The following STARD13 variants were observed in gnomAD, a reference collection of about 807,000 sequenced individuals.
STARD13 encodes the protein stAR-related lipid transfer protein 13.
STARD13 carries 62 observed loss-of-function variants against 106.4 expected under a neutral mutation model. The observed-to-expected ratio is 0.58, with a 90% CI of 0.48 to 0.72. The LOEUF (loss-of-function observed/expected upper bound fraction) is 0.72. STARD13 is among the 30% of genes least tolerant of loss of function. The probability of loss-of-function intolerance (pLI) is 0.00; values close to 1 mark genes in which losing one functional copy is unlikely to be tolerated. For synonymous variants in STARD13, 565 were observed against 553.0 expected (o/e 1.02, Z -0.31); for missense variants, 1,387 against 1,424.0 (o/e 0.97, Z 0.42).
At chr13:33,554,078 C>A in the STARD13 span, among the ~76,000 whole-genome samples, 1 of 152,082 alleles carries the variant, frequency 6.6e-6, no homozygotes, top group Non-Finnish European at 1.5e-5. Flanking sequence ...ATCTTCTCTT[C>A]ACCATTGGGT....
At chr13:33,137,160 T>G (rs1315709835) in intron 4 of STARD13, among the ~76,000 whole-genome samples, 1 of 152,262 alleles carries the variant, frequency 6.6e-6, no homozygotes, top group African/African-American at 2.4e-5. Context: ...AATAATTCAT[T>G]TGTATTGAAT....
the STARD13 span, among the ~76,000 whole-genome samples, chr13:33,650,094 GACAA>G: frequency 4.9e-5 from 7 of 143,516 alleles, no homozygotes; most frequent in South Asian, 2.3e-4. Flanking sequence ...GATGAAGAGT[GACAA>G]ACAGTCACTT....
At chr13:33,252,994 G>GT (rs199890309) in intron 1 of STARD13, among the ~76,000 whole-genome samples, 2,237 of 152,154 alleles carry the variant, frequency 0.015, 47 homozygotes, top group African/African-American at 0.049. Flanking sequence ...GTCATTTTCC[G>GT]TTTTTTGGAT....
the STARD13 span, among the ~76,000 whole-genome samples, chr13:33,500,049 C>T: frequency 2.6e-5 from 4 of 152,080 alleles, no homozygotes; most frequent in East Asian, 1.9e-4. Flanking sequence ...TGCCTGGCCA[C>T]GCTTCCTCTT....
At chr13:33,607,918 C>G in the STARD13 span, among the ~76,000 whole-genome samples, 743 of 151,972 alleles carry the variant, frequency 4.9e-3, 2 homozygotes, top group Non-Finnish European at 7.9e-3. Context: ...TCTAAAGAAA[C>G]CGTTTTTTAG....
rs1944323015 is a variant in STARD13 at position 33,129,016 on chromosome 13, T to A, written c.1661A>T (p.Asp554Val). The A allele has an allele frequency of 1.9e-6, 3 of 1,614,088 alleles. No homozygotes were observed. Among genetic ancestry groups the A allele is most frequent in the Non-Finnish European group, 2.5e-6 (3 of 1,180,014 alleles). Residue 554 changes from aspartate to valine, a missense_variant, in exon 5 of 14, where the codon GAT becomes GTT. Physicochemically the swap from Asp to Val is radical, Grantham distance 152. Transcript: ENST00000336934. The stretch of plus-strand genomic sequence containing the variant: ...CTCAGATTCATTAAGAGATGTTACA[T>A]CTCTTTCCACATCACTGGGTGTCGT... ...GRTTPSDVER[D>V]VTSLNESEPP... is the part of the protein sequence containing the mutation.
downstream of STARD13, among the ~76,000 whole-genome samples, chr13:33,346,897 C>A (rs1054883243): frequency 2.6e-4 from 40 of 151,994 alleles, no homozygotes; most frequent in Non-Finnish European, 4.7e-4. Flanking sequence ...CTCAGCCTCC[C>A]AAAGTAGTAG....
chr13:33,451,448 C>T, the STARD13 span, among the ~76,000 whole-genome samples: 6 of 151,954 alleles, frequency 3.9e-5, no homozygotes, highest in South Asian at 6.2e-4. Context: ...ACATAGGGCC[C>T]GGACTAGAGT....
At chr13:33,198,361 AG>A (rs1566067824) in intron 1 of STARD13, among the ~76,000 whole-genome samples, 1 of 151,970 alleles carries the variant, frequency 6.6e-6, no homozygotes, top group Non-Finnish European at 1.5e-5. Context: ...TGAGCATCCC[AG>A]GCTCACCCAG....
the STARD13 span, among the ~76,000 whole-genome samples, chr13:33,553,738 CCTGT>C: frequency 6.6e-6 from 1 of 151,736 alleles, no homozygotes; most frequent in African/African-American, 2.4e-5. Context: ...CACCACCACG[CCTGT>C]CTAATTTTTG....
the STARD13 span, among the ~76,000 whole-genome samples, chr13:33,417,316 T>C: frequency 6.6e-6 from 1 of 152,208 alleles, no homozygotes; most frequent in Non-Finnish European, 1.5e-5. Flanking sequence ...TAGTTTGGCT[T>C]TCTCTTCAAA....
intron 1 of STARD13, chr13:33,206,066 C>G (rs932370092): frequency 5.2e-6 from 5 of 966,608 alleles, no homozygotes; most frequent in Non-Finnish European, 6.1e-6. Context: ...TGGTTTTGGC[C>G]CCGCCTCCAG....
At chr13:33,296,305 C>T (rs1049020060) in intron 1 of STARD13, among the ~76,000 whole-genome samples, 1 of 152,028 alleles carries the variant, frequency 6.6e-6, no homozygotes, top group African/African-American at 2.4e-5. Flanking sequence ...AATTCCACTG[C>T]AGACATCATC....
rs370368103 is a variant in STARD13, at chr13:33,249,280, C to T, written c.169+36190G>A. ...AATCCTAAGAGAACACACTAACTCA[C>T]GATGACTCAGTTGACCAAAAAGAAA... On this transcript the variant is annotated intron_variant, in intron 1 of 13. Transcript: ENST00000336934. Among the ~76,000 whole-genome samples, 25 of 152,268 alleles carry T rather than the reference C, an allele frequency of 1.6e-4. No homozygotes were observed. In the East Asian group the frequency reaches 1.9e-3, roughly 12 times the overall value.
chr13:33,377,795 T>A, the STARD13 span, among the ~76,000 whole-genome samples: 1 of 152,294 alleles, frequency 6.6e-6, no homozygotes, highest in African/African-American at 2.4e-5. Context: ...ATGTAGTCCT[T>A]TTTTGTTTTT....
intron 1 of STARD13, among the ~76,000 whole-genome samples, chr13:33,244,878 A>G (rs1277837903): frequency 1.3e-5 from 2 of 152,224 alleles, no homozygotes; most frequent in Non-Finnish European, 2.9e-5. Flanking sequence ...GAACCAATAA[A>G]TGACTGTTGT....
intron 3 of STARD13, among the ~76,000 whole-genome samples, chr13:33,150,255 C>T (rs1041197070): frequency 1.3e-5 from 2 of 152,194 alleles, no homozygotes; most frequent in African/African-American, 4.8e-5. Context: ...TATTCTCCAC[C>T]ACTGAGTATG....
At chr13:33,232,582 C>T (rs1479365136) in intron 1 of STARD13, among the ~76,000 whole-genome samples, 1 of 152,190 alleles carries the variant, frequency 6.6e-6, no homozygotes, top group African/African-American at 2.4e-5. Flanking sequence ...CTCATCTCTT[C>T]TCTTCTCCTC....
the STARD13 span, among the ~76,000 whole-genome samples, chr13:33,388,576 T>G: frequency 6.6e-6 from 1 of 152,084 alleles, no homozygotes; most frequent in Non-Finnish European, 1.5e-5. Flanking sequence ...GGCTTCAGAG[T>G]TCAGCTAAGT....
Sources: allele counts gnomAD v4.1 joint callset (sites outside exome capture counted in the v4.1 genomes callset), GRCh38; gene constraint gnomAD v4.1.1; transcripts MANE v1.5; gene names NCBI Gene and HGNC (gene_info 2026-07-23, HGNC 2026-07-21).